Variants in FARS2 observed in about 807,000 individuals in gnomAD.
FARS2 encodes the protein phenylalanine--tRNA ligase, mitochondrial.
In FARS2, 40 loss-of-function variants were observed where a neutral mutation model predicts 46.4. The observed-to-expected ratio is 0.86, with a 90% CI of 0.67 to 1.12. The LOEUF (loss-of-function observed/expected upper bound fraction) is 1.12. Among genes scored for constraint, FARS2 ranks in the 50% most tolerant of loss-of-function variants. FARS2 has a pLI of 0.00. For synonymous variants in FARS2, 234 were observed against 214.9 expected (o/e 1.09, Z -0.78); for missense variants, 513 against 567.9 (o/e 0.90, Z 0.98).
rs1029774676 is a variant in FARS2, at chr6:5,686,801, A to C, written c.1217+73481A>C. Among the ~76,000 whole-genome samples the C allele has an allele frequency of 3.9e-5, 6 of 152,370 alleles. No homozygotes were observed. In the South Asian group the frequency reaches 1.2e-3, roughly 32 times the overall value. On this transcript the variant is annotated intron_variant, in intron 6 of 6. Transcript: ENST00000274680. Reference sequence around the variant, plus strand: ...CACTGACTTCCACAATGGTTGAACTAGTTTACAGTCCCACCAATAGTGTGA... The same window carrying C: ...CACTGACTTCCACAATGGTTGAACTCGTTTACAGTCCCACCAATAGTGTGA...
In FARS2 at chr6:5,644,146, G is replaced by A. The variant is rs145809843; in HGVS notation, c.1217+30826G>A. ...AGCACCATCACCACCTAGCCATAGCGCAGCCATCCTTGGCAGTTTCCTTCC... is the reference window on the plus strand; with the variant it reads ...AGCACCATCACCACCTAGCCATAGCACAGCCATCCTTGGCAGTTTCCTTCC... On this transcript the variant is annotated intron_variant, in intron 6 of 6. Transcript: ENST00000274680. Among the ~76,000 whole-genome samples, 1,172 of 152,208 alleles carry A rather than the reference G, an allele frequency of 7.7e-3. 15 individuals carry two copies. The highest frequency in any genetic ancestry group is 0.01 in the Non-Finnish European group (685 of 68,010).
chr6:5,437,286 T>C (rs911219203), intron 4 of FARS2, among the ~76,000 whole-genome samples: 2 of 152,214 alleles, frequency 1.3e-5, no homozygotes, highest in African/African-American at 4.8e-5. Flanking sequence ...TAAAATTCTT[T>C]GTGTGGACAT....
chr6:5,620,619 C>T (rs1478171225), intron 6 of FARS2, among the ~76,000 whole-genome samples: 1 of 152,214 alleles, frequency 6.6e-6, no homozygotes, highest in Non-Finnish European at 1.5e-5. Flanking sequence ...ACCTTCCCAC[C>T]ATGTCGTTTC....
intron 4 of FARS2, among the ~76,000 whole-genome samples, chr6:5,462,441 T>C (rs1303035734): frequency 6.6e-6 from 1 of 152,202 alleles, no homozygotes; most frequent in Non-Finnish European, 1.5e-5. Context: ...TTTTGTGTTG[T>C]ACCTAAGAAC....
intron 4 of FARS2, among the ~76,000 whole-genome samples, chr6:5,520,661 G>A (rs1383474876): frequency 6.6e-6 from 1 of 152,036 alleles, no homozygotes; most frequent in Non-Finnish European, 1.5e-5. Context: ...GTTTTTCATT[G>A]TCAAACTGAC....
chr6:5,256,603 T>C (rs1406403790), upstream of FARS2, among the ~76,000 whole-genome samples: 5 of 150,968 alleles, frequency 3.3e-5, no homozygotes, highest in African/African-American at 9.8e-5. Context: ...ATGACTCTCA[T>C]TTTATAAAGA....
intron 4 of FARS2, among the ~76,000 whole-genome samples, chr6:5,444,210 T>A (rs1172301884): frequency 1.2e-4 from 18 of 152,110 alleles, no homozygotes; most frequent in Middle Eastern, 6.8e-3. Context: ...GGCTCAAGCC[T>A]GTAATCCGAG....
At chr6:5,708,129 G>A (rs1267963038) in intron 6 of FARS2, among the ~76,000 whole-genome samples, 1 of 152,138 alleles carries the variant, frequency 6.6e-6, no homozygotes, top group East Asian at 1.9e-4. Flanking sequence ...TGAACTGTCT[G>A]GGTGGTAGAA....
intron 5 of FARS2, among the ~76,000 whole-genome samples, chr6:5,566,894 T>TAA: frequency 6.6e-6 from 1 of 152,350 alleles, no homozygotes; most frequent in East Asian, 1.9e-4. Flanking sequence ...AAGGTATTTT[T>TAA]AAAGGAGTGA....
At chr6:5,336,989 T>TA (rs1452895978) in intron 1 of FARS2, among the ~76,000 whole-genome samples, 3 of 152,042 alleles carry the variant, frequency 2.0e-5, no homozygotes, top group Non-Finnish European at 4.4e-5. Flanking sequence ...CAGTATTTTT[T>TA]ATTTGTTTTT....
intron 1 of FARS2, among the ~76,000 whole-genome samples, chr6:5,327,114 G>T (rs895488755): frequency 1.6e-4 from 24 of 152,046 alleles, no homozygotes; most frequent in African/African-American, 5.6e-4. Context: ...ACAAATTCCA[G>T]GGAAATTGTA....
chr6:5,529,478 T>C (rs1769685782), intron 4 of FARS2, among the ~76,000 whole-genome samples: 1 of 152,156 alleles, frequency 6.6e-6, no homozygotes, highest in South Asian at 2.1e-4. Context: ...CAGCTAATTT[T>C]TGTATTTTTA....
the FARS2 span, among the ~76,000 whole-genome samples, chr6:5,255,500 C>A: frequency 4.5e-3 from 684 of 151,242 alleles, 2 homozygotes; most frequent in African/African-American, 0.015. Context: ...TTTTTAAAAG[C>A]TTTTTTTTTC....
chr6:5,479,029 T>C (rs933796196), intron 4 of FARS2, among the ~76,000 whole-genome samples: 10 of 152,280 alleles, frequency 6.6e-5, no homozygotes, highest in African/African-American at 2.4e-4. Context: ...AGCAATTAGT[T>C]TGTTTGTTAT....
At chr6:5,344,110 G>A (rs985452137) in intron 1 of FARS2, among the ~76,000 whole-genome samples, 4 of 152,222 alleles carry the variant, frequency 2.6e-5, no homozygotes, top group African/African-American at 7.2e-5. Context: ...TGCATTCGAT[G>A]TGGTGACCTC....
intron 5 of FARS2, among the ~76,000 whole-genome samples, chr6:5,566,949 G>C (rs769280731): frequency 6.6e-6 from 1 of 152,270 alleles, no homozygotes; most frequent in Non-Finnish European, 1.5e-5. Flanking sequence ...CACTGAGACA[G>C]TGAAAGAGAT....
intron 6 of FARS2, among the ~76,000 whole-genome samples, chr6:5,719,743 A>G (rs1470085788): frequency 2.6e-5 from 4 of 152,236 alleles, no homozygotes; most frequent in Non-Finnish European, 5.9e-5. Flanking sequence ...GGTACATCTT[A>G]CCAAGACAAG....
intron 3 of FARS2, among the ~76,000 whole-genome samples, chr6:5,414,504 A>T (rs1762107122): frequency 6.6e-6 from 1 of 152,170 alleles, no homozygotes; most frequent in African/African-American, 2.4e-5. Context: ...ATGTTCAAGG[A>T]AATCCTATTG....
chr6:5,582,769 T>G (rs1406589504), intron 5 of FARS2, among the ~76,000 whole-genome samples: 2 of 152,250 alleles, frequency 1.3e-5, no homozygotes, highest in African/African-American at 4.8e-5. Context: ...TAAAAAATTT[T>G]TGTTTGCACT....
Sources: gnomAD v4.1 joint callset for allele counts (sites outside exome capture counted in the v4.1 genomes callset) on GRCh38, gnomAD v4.1.1 for gene constraint, MANE v1.5 for transcripts, NCBI Gene and HGNC (gene_info 2026-07-23, HGNC 2026-07-21) for gene names.